PMM2: variants seen among roughly 807,000 people sequenced by gnomAD.
PMM2 encodes the protein phosphomannomutase 2.
A neutral mutation model predicts 33.2 loss-of-function variants in PMM2; 35 were observed. That is an observed-to-expected ratio of 1.06 (90% CI 0.81 to 1.40). The LOEUF (loss-of-function observed/expected upper bound fraction) is 1.40, where lower values mean the gene tolerates loss of function less well. PMM2 is among the 40% of genes most tolerant of loss of function. The pLI is 0.00. For missense variants in PMM2, 386 were observed against 306.0 expected, an observed-to-expected ratio of 1.26 and a Z score of -1.95; for synonymous variants, 153 against 114.7, an observed-to-expected ratio of 1.33 and a Z score of -2.13.
chr16:8,836,187 A>C (rs2060845306), intron 7 of PMM2, among the ~76,000 whole-genome samples: 1 of 151,836 alleles, frequency 6.6e-6, no homozygotes, highest in Non-Finnish European at 1.5e-5. Context: ...ATTGATTAAG[A>C]AGGGGATGGA....
At chr16:8,810,224 T>G (rs960210809) in intron 4 of PMM2, 1 of 152,218 alleles carries the variant, frequency 6.6e-6, no homozygotes, top group African/African-American at 2.4e-5. Context: ...TAAATTGAAT[T>G]TCCTCAGTTA....
intron 2 of PMM2, among the ~76,000 whole-genome samples, chr16:8,803,734 G>C (rs547026173): frequency 1.3e-5 from 2 of 151,676 alleles, no homozygotes; most frequent in Non-Finnish European, 2.9e-5. Context: ...CTTATTCTCT[G>C]GTGCAGTGGC....
rs1358355895 is a variant in PMM2, at chr16:8,849,083, C to CCCTGCACT, written c.*1264_*1271dup. The CCCTGCACT allele has an allele frequency of 6.6e-5, 10 of 152,272 alleles. No individual in the cohort carries two copies. The highest frequency in any genetic ancestry group is 2.4e-4 in the African/African-American group (10 of 41,430). 9.4% of individuals were successfully genotyped at this position (152,272 alleles called of 1,614,324 possible). A position where few individuals can be genotyped will look rare whatever the true frequency, so the allele number is the denominator to read the frequency against. The stretch of plus-strand genomic sequence containing the variant: ...TCTGGGGCCAGGGGAGCCCAGGCTG[C>CCCTGCACT]CCTGCACTCCTGCCTCCCAGCCCAC... On this transcript the variant is annotated 3_prime_UTR_variant, in exon 8 of 8. Coordinates refer to ENST00000268261, the MANE Select transcript of PMM2 (RefSeq NM_000303.3).
chr16:8,819,710 A>AC (rs397822729), intron 7 of PMM2, among the ~76,000 whole-genome samples: 1 of 150,896 alleles, frequency 6.6e-6, no homozygotes, highest in Non-Finnish European at 1.5e-5. Flanking sequence ...AAAAAAAAAA[A>AC]CAATAAAAAT....
At chr16:8,810,904 AAGTCTTAAT>A in intron 4 of PMM2, 166 bp from the exon 5 acceptor site, 3 of 632,556 alleles carry the variant, frequency 4.7e-6, no homozygotes, top group Non-Finnish European at 8.5e-6. Context: ...GCCACATTTC[AAGTCTTAAT>A]AGTCACAGTA....
chr16:8,820,465 C>A (rs933848235), intron 7 of PMM2, among the ~76,000 whole-genome samples: 10 of 151,596 alleles, frequency 6.6e-5, no homozygotes, highest in Non-Finnish European at 1.5e-4. Context: ...GTGATCCTCC[C>A]ACTTCAGCCT....
chr16:8,811,955 C>G lies in PMM2; in HGVS notation c.523+242C>G, dbSNP rs1051184030. Among the ~76,000 whole-genome samples the G allele has an allele frequency of 1.6e-4, 24 of 152,214 alleles. 1 individual carries two copies. Among genetic ancestry groups the G allele is most frequent in the Non-Finnish European group, 4.4e-5 (3 of 68,034 alleles). On this transcript the variant is annotated intron_variant, in intron 6 of 7. Coordinates refer to ENST00000268261, the MANE Select transcript of PMM2 (RefSeq NM_000303.3). ...GGCTTGGTTCTAAATTCTTACCCAA[C>G]AGCATTCTTCCTACCTGGACTCCTC...
rs960794762 is a variant in PMM2, at chr16:8,848,990, G to A, written c.*1165G>A. 1 of 152,242 alleles carries A rather than the reference G, an allele frequency of 6.6e-6. No individual in the cohort carries two copies. Among genetic ancestry groups the A allele is most frequent in the African/African-American group, 2.4e-5 (1 of 41,446 alleles). 9.4% of individuals were successfully genotyped at this position (152,242 alleles called of 1,614,324 possible). ...TCACTTTTCAGGATGTGGAAACACT[G>A]AGCCATACACCCTCCATTGCTTGGT... On this transcript the variant is annotated 3_prime_UTR_variant, in exon 8 of 8. Transcript: ENST00000268261.
At chr16:8,808,170 C>T (rs1268904385) in intron 4 of PMM2, 1 of 152,110 alleles carries the variant, frequency 6.6e-6, no homozygotes, top group East Asian at 1.9e-4. Flanking sequence ...CAGGAATGTC[C>T]CTTAGCCGAG....
intron 7 of PMM2, chr16:8,832,284 C>A (rs896726194): frequency 2.0e-6 from 2 of 985,320 alleles, no homozygotes; most frequent in African/African-American, 3.5e-5. Context: ...GCGAGCCGTG[C>A]GGCTCTCTGA....
At chr16:8,839,721 T>G (rs1201494874) in intron 7 of PMM2, among the ~76,000 whole-genome samples, 1 of 151,766 alleles carries the variant, frequency 6.6e-6, no homozygotes, top group South Asian at 2.1e-4. Flanking sequence ...TTGAGTGATG[T>G]GTGTAGTTGG....
chr16:8,838,312 G>C (rs1038054254), intron 7 of PMM2, among the ~76,000 whole-genome samples: 9 of 152,222 alleles, frequency 5.9e-5, no homozygotes, highest in African/African-American at 2.2e-4. Context: ...TACTTCTTTT[G>C]TGGATCTTCA....
At chr16:8,814,176 A>T (rs1318986724) in intron 7 of PMM2, among the ~76,000 whole-genome samples, 1 of 151,854 alleles carries the variant, frequency 6.6e-6, no homozygotes, top group Non-Finnish European at 1.5e-5. Context: ...GGGTTTCATC[A>T]TGTTGGCCAG....
At chr16:8,838,940 G>A (rs983009484) in intron 7 of PMM2, among the ~76,000 whole-genome samples, 3 of 151,888 alleles carry the variant, frequency 2.0e-5, no homozygotes, top group East Asian at 3.9e-4. Context: ...GCAAGGCCTC[G>A]GTGGTTTTGG....
chr16:8,844,813 T>A (rs538711724), intron 7 of PMM2, among the ~76,000 whole-genome samples: 24 of 152,220 alleles, frequency 1.6e-4, no homozygotes, highest in African/African-American at 5.5e-4. Flanking sequence ...GTGTGGCGCC[T>A]AGATTGAAAG....
At chr16:8,817,906 A>ATTTTT (rs3034279) in intron 7 of PMM2, among the ~76,000 whole-genome samples, 2 of 142,780 alleles carry the variant, frequency 1.4e-5, no homozygotes, top group African/African-American at 2.6e-5. Context: ...TGCAAAGAAG[A>ATTTTT]TTTTTTTTTT....
At chr16:8,837,489 G>A (rs1458534493) in intron 7 of PMM2, among the ~76,000 whole-genome samples, 1 of 151,614 alleles carries the variant, frequency 6.6e-6, no homozygotes, top group Non-Finnish European at 1.5e-5. Context: ...AGTGAAGGAG[G>A]TAAGCCCAGA....
chr16:8,839,135 G>A (rs1243619926), intron 7 of PMM2, among the ~76,000 whole-genome samples: 1 of 151,964 alleles, frequency 6.6e-6, no homozygotes, highest in African/African-American at 2.4e-5. Context: ...ACCATCAAGG[G>A]AATTAGTGGA....
At chr16:8,803,745 A>T (rs1385022744) in intron 2 of PMM2, among the ~76,000 whole-genome samples, 2 of 151,856 alleles carry the variant, frequency 1.3e-5, no homozygotes, top group Non-Finnish European at 2.9e-5. Context: ...GTGCAGTGGC[A>T]CAATCTTGGC....
Sources: gnomAD v4.1 joint callset for allele counts (sites outside exome capture counted in the v4.1 genomes callset) on GRCh38, gnomAD v4.1.1 for gene constraint, MANE v1.5 for transcripts, NCBI Gene and HGNC (gene_info 2026-07-23, HGNC 2026-07-21) for gene names.